The following SCAMP1 variants were observed in gnomAD, a reference collection of about 807,000 sequenced individuals.
SCAMP1 encodes the protein secretory carrier-associated membrane protein 1.
A neutral mutation model predicts 41.8 loss-of-function variants in SCAMP1; 15 were observed. The ratio of observed to expected loss-of-function variants is 0.36; its 90% CI spans 0.24 to 0.55. SCAMP1 has a LOEUF of 0.55. Ranked by LOEUF, SCAMP1 falls within the 20% of genes least tolerant of loss-of-function variation. The pLI, the probability that SCAMP1 is intolerant of heterozygous loss-of-function variation, is 0.86. For missense variants in SCAMP1, 341 were observed against 412.6 expected, an observed-to-expected ratio of 0.83 and a Z score of 1.50; for synonymous variants, 135 against 136.8, an observed-to-expected ratio of 0.99 and a Z score of 0.09.
At chr5:78,387,307 G>T (rs984858066) in intron 1 of SCAMP1, among the ~76,000 whole-genome samples, 2 of 148,778 alleles carry the variant, frequency 1.3e-5, no homozygotes, top group African/African-American at 2.5e-5. Flanking sequence ...CAGAAGTTGC[G>T]ATTGTTTTTT....
intron 5 of SCAMP1, among the ~76,000 whole-genome samples, chr5:78,420,706 T>A (rs867171422): frequency 2.0e-5 from 3 of 151,064 alleles, no homozygotes; most frequent in South Asian, 4.2e-4. Context: ...GAGCTCTTTT[T>A]AAAAAAAAAC....
intron 7 of SCAMP1, among the ~76,000 whole-genome samples, chr5:78,455,052 T>C (rs1268616293): frequency 7.3e-5 from 11 of 151,704 alleles, no homozygotes; most frequent in East Asian, 5.8e-4. Context: ...TTTTTTATTG[T>C]GTCTATTTGA....
At chr5:78,426,721 C>T (rs1203479617) in intron 6 of SCAMP1, among the ~76,000 whole-genome samples, 1 of 152,202 alleles carries the variant, frequency 6.6e-6, no homozygotes, top group African/African-American at 2.4e-5. Flanking sequence ...GCACACAATT[C>T]TCATTCCTTT....
At position 78,430,236 on chromosome 5, in the gene SCAMP1, A is replaced by T. The variant is rs796324043; in HGVS notation, c.632+8276A>T. Among the ~76,000 whole-genome samples the T allele has an allele frequency of 7.7e-3, 529 of 68,950 alleles. 54 individuals are homozygous for T. Among genetic ancestry groups the T allele is most frequent in the East Asian group, 0.033 (18 of 544 alleles). 45.2% of individuals were successfully genotyped at this position (68,950 alleles called of 152,430 possible). A position where few individuals can be genotyped will look rare whatever the true frequency, so the allele number is the denominator to read the frequency against. On this transcript the variant is annotated intron_variant, in intron 6 of 8. Transcript: ENST00000621999. Reference sequence around the variant, plus strand: ...AAATACAGTATTTATTTATAAATACAGTATTTATTTATAAATACAGTATTT... The same window carrying T: ...AAATACAGTATTTATTTATAAATACTGTATTTATTTATAAATACAGTATTT...
chr5:78,415,649 T>A, intron 3 of SCAMP1, 31 bp downstream of exon 3: 1 of 1,298,742 alleles, frequency 7.7e-7, no homozygotes, highest in Middle Eastern at 1.9e-4. Flanking sequence ...TAAATTCATA[T>A]TGGCCATTAT....
intron 2 of SCAMP1, among the ~76,000 whole-genome samples, chr5:78,392,663 T>C (rs979419463): frequency 3.3e-5 from 5 of 152,250 alleles, no homozygotes; most frequent in African/African-American, 1.2e-4. Flanking sequence ...TTAGATTTGA[T>C]GAACAGTGAT....
chr5:78,445,770 G>C (rs370729627), intron 6 of SCAMP1, among the ~76,000 whole-genome samples: 4 of 151,980 alleles, frequency 2.6e-5, no homozygotes, highest in Non-Finnish European at 5.9e-5. Flanking sequence ...TGATATTCAC[G>C]TGATGATTGT....
At chr5:78,391,818 A>C (rs1751515335) in intron 2 of SCAMP1, among the ~76,000 whole-genome samples, 1 of 152,210 alleles carries the variant, frequency 6.6e-6, no homozygotes, top group African/African-American at 2.4e-5. Flanking sequence ...CAGCCTGGCC[A>C]ACACAGCAAA....
intron 8 of SCAMP1, among the ~76,000 whole-genome samples, chr5:78,473,149 A>AT (rs1464705644): frequency 6.6e-6 from 1 of 152,170 alleles, no homozygotes; most frequent in Admixed American, 6.6e-5. Context: ...GGGGAAAGGA[A>AT]TCTTTGGATT....
chr5:78,368,775 TAGG>T (rs1196508638), intron 1 of SCAMP1, among the ~76,000 whole-genome samples: 4 of 152,090 alleles, frequency 2.6e-5, no homozygotes, highest in African/African-American at 9.7e-5. Flanking sequence ...TAAAGGGAAA[TAGG>T]AGAGCTCCCA....
intron 1 of SCAMP1, among the ~76,000 whole-genome samples, chr5:78,387,541 A>G (rs1484831172): frequency 4.0e-5 from 6 of 151,676 alleles, no homozygotes; most frequent in South Asian, 2.1e-4. Context: ...TTGTTTTGTC[A>G]TATTACTGGA....
chr5:78,452,649 A>C (rs1177693059), intron 7 of SCAMP1, among the ~76,000 whole-genome samples: 3 of 151,626 alleles, frequency 2.0e-5, no homozygotes, highest in Non-Finnish European at 4.4e-5. Flanking sequence ...CAATAAACAT[A>C]CGTGTGCATG....
chr5:78,415,735 A>C (rs1444025293), intron 3 of SCAMP1, 117 bp downstream of exon 3: 1 of 664,970 alleles, frequency 1.5e-6, no homozygotes, highest in Non-Finnish European at 2.6e-6. Context: ...TTTTTAACTC[A>C]CTTTCAAGTC....
At chr5:78,459,740 A>T (rs1036418321) in intron 8 of SCAMP1, among the ~76,000 whole-genome samples, 1 of 152,134 alleles carries the variant, frequency 6.6e-6, no homozygotes, top group Admixed American at 6.6e-5. Flanking sequence ...TTATTCATAT[A>T]TATCTCTTAG....
intron 1 of SCAMP1, among the ~76,000 whole-genome samples, chr5:78,371,671 G>A (rs576893549): frequency 1.2e-4 from 18 of 152,086 alleles, no homozygotes; most frequent in Non-Finnish European, 2.2e-4. Context: ...AAATTTAATA[G>A]CAGGTTTTAC....
chr5:78,469,913 C>CAAA (rs1561290939), intron 8 of SCAMP1, among the ~76,000 whole-genome samples: 8 of 23,214 alleles, frequency 3.4e-4, no homozygotes, highest in Non-Finnish European at 5.2e-4. Context: ...AAAAAAAAAA[C>CAAA]AAAAAAAAAA....
At position 78,455,627 on chromosome 5, in the gene SCAMP1, G is replaced by C. The variant is rs1264241529; in HGVS notation, c.735-3618G>C. On this transcript the variant is annotated intron_variant, in intron 7 of 8. Coordinates refer to ENST00000621999, the MANE Select transcript of SCAMP1 (RefSeq NM_004866.6). ...AAGTATGTGGTCAATTTTGGAATAG[G>C]TGTGGTGTGGTGCTGAAAAAAATGT... 4.6e-3 allele frequency among the ~76,000 whole-genome samples: 554 copies of C among 119,448 alleles called. 21 individuals carry two copies. Among genetic ancestry groups the C allele is most frequent in the African/African-American group, 0.018 (532 of 29,464 alleles). The allele number at this position is 119,448 out of a possible 152,430, so 78.4% of individuals were successfully genotyped here.
intron 6 of SCAMP1, among the ~76,000 whole-genome samples, chr5:78,440,211 C>T (rs960293940): frequency 4.6e-5 from 7 of 152,178 alleles, no homozygotes; most frequent in African/African-American, 7.2e-5. Flanking sequence ...TCTCTCAACT[C>T]GTCAAAGTCA....
intron 6 of SCAMP1, among the ~76,000 whole-genome samples, chr5:78,441,108 A>G (rs1434680448): frequency 2.0e-5 from 3 of 152,114 alleles, no homozygotes; most frequent in Admixed American, 6.5e-5. Context: ...ACCATCTTTC[A>G]TGGCTTCCCT....
Sources: allele counts gnomAD v4.1 joint callset (sites outside exome capture counted in the v4.1 genomes callset), GRCh38; gene constraint gnomAD v4.1.1; transcripts MANE v1.5; gene names NCBI Gene and HGNC (gene_info 2026-07-23, HGNC 2026-07-21).